ATE1: variants seen among roughly 807,000 people sequenced by gnomAD.
ATE1 encodes arginyl-tRNA--protein transferase 1.
In ATE1, 36 loss-of-function variants were observed where a neutral mutation model predicts 70.5. The observed-to-expected ratio is 0.51, with a 90% CI of 0.39 to 0.67. ATE1 has a LOEUF of 0.67. Among genes scored for constraint, ATE1 ranks in the 30% least tolerant of loss-of-function variants. ATE1 has a pLI of 0.00. For missense variants in ATE1, 593 were observed against 629.5 expected (o/e 0.94, Z 0.62); for synonymous variants, 232 against 219.3 (o/e 1.06, Z -0.51).
chr10:121,880,316 T>C (rs1000145791), intron 7 of ATE1, among the ~76,000 whole-genome samples: 2 of 152,116 alleles, frequency 1.3e-5, no homozygotes, highest in Admixed American at 6.6e-5. Context: ...TGCAATGCTA[T>C]GAAATGACAC....
At chr10:121,911,425 C>CTA (rs1259819524) in intron 4 of ATE1, among the ~76,000 whole-genome samples, 1 of 144,442 alleles carries the variant, frequency 6.9e-6, no homozygotes, top group Non-Finnish European at 1.5e-5. Context: ...TAGTGAGACA[C>CTA]TATCTCTACA....
intron 10 of ATE1, among the ~76,000 whole-genome samples, chr10:121,791,281 A>G (rs752314838): frequency 6.6e-6 from 1 of 151,672 alleles, no homozygotes; most frequent in African/African-American, 2.4e-5. Context: ...TTTGGTAGAG[A>G]GGGGGTTTCA....
intron 7 of ATE1, among the ~76,000 whole-genome samples, chr10:121,883,188 A>G (rs1299977390): frequency 6.6e-6 from 1 of 150,956 alleles, no homozygotes; most frequent in East Asian, 1.9e-4. Flanking sequence ...TTCCCACAAC[A>G]CCCCCTGCTA....
At chr10:121,927,822 C>T in intron 1 of ATE1, 22 bp downstream of exon 1, 1 of 1,544,420 alleles carries the variant, frequency 6.5e-7, no homozygotes, top group Non-Finnish European at 8.7e-7. Flanking sequence ...GCTTCCCACG[C>T]CCGCCGGCCC....
At chr10:121,928,365 C>T (rs1254649897), upstream of ATE1, 10 of 1,534,148 alleles carry the variant, frequency 6.5e-6, no homozygotes, top group African/African-American at 2.8e-5. Context: ...GCTTTGCCCT[C>T]CTTGGAATCG....
rs1279379292 is a variant in ATE1, at chr10:121,836,814, T to C, written c.1161A>G (p.Glu387=). 1 of 1,591,702 alleles carries C rather than the reference T, an allele frequency of 6.3e-7. No homozygotes were observed. Among genetic ancestry groups the C allele is most frequent in the South Asian group, 1.2e-5 (1 of 86,426 alleles). ...LSLGVYSALR[E]IAFTRQLHEK... ...CATGAAGCTGCCTAGTAAAAGCAAT[T>C]TCTCTGCGAAAAGAAAAAGAAGAAA... Residue 387 remains glutamate, a synonymous_variant, in exon 10 of 12, where the codon GAA becomes GAG. Transcript: ENST00000224652.
At chr10:121,861,511 A>G (rs1949466586) in intron 8 of ATE1, among the ~76,000 whole-genome samples, 1 of 149,600 alleles carries the variant, frequency 6.7e-6, no homozygotes, top group Non-Finnish European at 1.5e-5. Context: ...CAAACACCGC[A>G]TATTCTCACT....
rs189262419 is a variant in ATE1, at chr10:121,877,834, T to C, written c.943-7796A>G. On this transcript the variant is annotated intron_variant, in intron 7 of 11. Transcript: ENST00000224652. Reference sequence around the variant, plus strand: ...CACTCTGGAAAACTGGCCACATTTCTATAAATGCTGAAGATGTTTACTCCA... The same window carrying C: ...CACTCTGGAAAACTGGCCACATTTCCATAAATGCTGAAGATGTTTACTCCA... Among the ~76,000 whole-genome samples the C allele has an allele frequency of 1.2e-3, 188 of 152,348 alleles. 1 individual carries two copies. Among genetic ancestry groups the C allele is most frequent in the Admixed American group, 0.011 (167 of 15,302 alleles).
At chr10:121,848,475 A>G (rs970144502) in intron 8 of ATE1, among the ~76,000 whole-genome samples, 1 of 151,646 alleles carries the variant, frequency 6.6e-6, no homozygotes, top group African/African-American at 2.4e-5. Context: ...AAAAATAGCC[A>G]GGTGTGGTGG....
In ATE1 at chr10:121,899,996, T is replaced by G. The variant is rs768399563; in HGVS notation, c.814-2A>C. 5.6e-6 allele frequency: 9 copies of G among 1,611,586 alleles called. No homozygotes were observed. The highest frequency in any genetic ancestry group is 1.7e-4 in the Middle Eastern group (1 of 6,048). ...TGGAGATGATCTCACCACCCTCACC[T>G]TCAGAAGCAGTTAAAAAAACAAGTT... On this transcript the variant is annotated splice_acceptor_variant, in intron 6 of 11. Coordinates refer to ENST00000224652, the MANE Select transcript of ATE1 (RefSeq NM_001001976.3). LOFTEE classifies it high-confidence loss of function.
chr10:121,778,663 G>A (rs1370855832), intron 11 of ATE1, among the ~76,000 whole-genome samples: 5 of 140,154 alleles, frequency 3.6e-5, no homozygotes, highest in Non-Finnish European at 6.0e-5. Context: ...CTGCAGTGGC[G>A]TGACATCGGC....
intron 11 of ATE1, among the ~76,000 whole-genome samples, chr10:121,762,105 C>T (rs535706018): frequency 2.0e-5 from 3 of 152,304 alleles, no homozygotes; most frequent in Admixed American, 6.5e-5. Flanking sequence ...TTTCTGTCTT[C>T]GTCACCTTCA....
intron 8 of ATE1, among the ~76,000 whole-genome samples, chr10:121,848,053 A>G (rs1276909600): frequency 1.3e-5 from 2 of 152,146 alleles, no homozygotes; most frequent in Admixed American, 1.3e-4. Flanking sequence ...CCTGGGCGAC[A>G]GAGCAAGACT....
rs1299591948 is a variant in ATE1, at chr10:121,899,978, G to T, written c.830C>A (p.Ser277Ter). ...TTTGAACTGCGAACTTGGTGGAGAT[G>T]ATCTCACCACCCTCACCTTCAGAAG... ...SHKLEVRVVRSSPPSSQFKAT... is the reference protein window; with the variant it reads ...SHKLEVRVVR Residue 277 changes from serine to a stop codon, truncating the protein, a stop_gained, in exon 7 of 12, where the codon TCA (serine) becomes TAA (stop). Coordinates refer to ENST00000224652, the MANE Select transcript of ATE1 (RefSeq NM_001001976.3). LOFTEE classifies it high-confidence loss of function. The T allele has an allele frequency of 1.2e-6, 2 of 1,613,378 alleles. No homozygotes were observed. The highest frequency in any genetic ancestry group is 2.7e-5 in the African/African-American group (2 of 74,860).
intron 3 of ATE1, among the ~76,000 whole-genome samples, chr10:121,918,111 G>A (rs1010361299): frequency 6.6e-6 from 1 of 152,192 alleles, no homozygotes; most frequent in African/African-American, 2.4e-5. Flanking sequence ...AAGGCAGGCG[G>A]ATCATGAGGT....
chr10:121,891,889 T>TATAAGATC, intron 7 of ATE1, among the ~76,000 whole-genome samples: 1 of 152,198 alleles, frequency 6.6e-6, no homozygotes, highest in South Asian at 2.1e-4. Flanking sequence ...TTAACAAAAC[T>TATAAGATC]ACACCACAGT....
rs553067373 is a variant in ATE1, at chr10:121,907,687, T to C, written c.583+3219A>G. On this transcript the variant is annotated intron_variant, in intron 5 of 11. Coordinates refer to ENST00000224652, the MANE Select transcript of ATE1 (RefSeq NM_001001976.3). ...GGGAGACTGAGTCAGGAGAATGGCG[T>C]GAACCCGGGAGGTAGAGCTTGCAGT... Among the ~76,000 whole-genome samples the C allele has an allele frequency of 1.3e-3, 195 of 151,628 alleles. 1 individual carries two copies. The highest frequency in any genetic ancestry group is 4.6e-3 in the African/African-American group (189 of 41,308).
chr10:121,790,575 T>C (rs576041564), intron 10 of ATE1, among the ~76,000 whole-genome samples: 8 of 152,332 alleles, frequency 5.3e-5, no homozygotes, highest in African/African-American at 1.7e-4. Context: ...AATGTGATTC[T>C]TGCTGAGCTG....
In ATE1 at chr10:121,898,832, TAAC is replaced by T. The variant is rs1368129304; in HGVS notation, c.942+1031_942+1033del. 1.9e-6 allele frequency: 3 copies of T among 1,612,952 alleles called. No individual in the cohort carries two copies. The African/African-American group carries it at 4.0e-5, about 22-fold the overall frequency. Reference sequence around the variant, plus strand: ...CCTTATCAACACAGAAAACAACAGTTAACAATACCTCAGTCTTCCCACATTCAT... The same window carrying T: ...CCTTATCAACACAGAAAACAACAGTTAATACCTCAGTCTTCCCACATTCAT... On this transcript the variant is annotated intron_variant, in intron 7 of 11. Coordinates refer to ENST00000224652, the MANE Select transcript of ATE1 (RefSeq NM_001001976.3).
Sources: allele counts gnomAD v4.1 joint callset (sites outside exome capture counted in the v4.1 genomes callset), GRCh38; gene constraint gnomAD v4.1.1; transcripts MANE v1.5; gene names NCBI Gene and HGNC (gene_info 2026-07-23, HGNC 2026-07-21).